MAGI1: variants seen among roughly 807,000 people sequenced by gnomAD.
MAGI1 encodes membrane-associated guanylate kinase, WW and PDZ domain-containing protein 1.
A neutral mutation model predicts 139.9 loss-of-function variants in MAGI1; 58 were observed. The observed-to-expected ratio is 0.41, with a 90% CI of 0.34 to 0.52. MAGI1 has a LOEUF of 0.52. Ranked by LOEUF, MAGI1 falls within the 20% of genes least tolerant of loss-of-function variation. The pLI is 0.12. For missense variants in MAGI1, 1,874 were observed against 1,901.6 expected (o/e 0.99, Z 0.27); for synonymous variants, 812 against 737.9 (o/e 1.10, Z -1.63).
At chr3:65,696,895 G>C (rs1343248548) in intron 1 of MAGI1, among the ~76,000 whole-genome samples, 1 of 131,590 alleles carries the variant, frequency 7.6e-6, no homozygotes, top group African/African-American at 3.4e-5. Flanking sequence ...AGGAAATAGA[G>C]ACACAAAAAA....
At chr3:66,011,504 G>A (rs940800235) in intron 1 of MAGI1, among the ~76,000 whole-genome samples, 1 of 152,038 alleles carries the variant, frequency 6.6e-6, no homozygotes, top group African/African-American at 2.4e-5. Context: ...CCCGCCTCCA[G>A]GATCCCCCTC....
chr3:65,962,122 ATT>A (rs567359350), intron 1 of MAGI1, among the ~76,000 whole-genome samples: 10,555 of 122,404 alleles, frequency 0.086, 413 homozygotes, highest in Middle Eastern at 0.13. Flanking sequence ...ATCTGATTGT[ATT>A]TTTTTTTTTT....
At chr3:65,560,766 G>A (rs1267216866) in intron 2 of MAGI1, among the ~76,000 whole-genome samples, 1 of 152,106 alleles carries the variant, frequency 6.6e-6, no homozygotes, top group African/African-American at 2.4e-5. Context: ...CTACTATGGT[G>A]CCCACTAAAA....
intron 1 of MAGI1, among the ~76,000 whole-genome samples, chr3:65,853,002 A>T (rs1411285325): frequency 5.5e-5 from 8 of 144,846 alleles, no homozygotes; most frequent in African/African-American, 1.0e-4. Flanking sequence ...AAAAAAAATT[A>T]GCCGGGCATG....
intron 2 of MAGI1, among the ~76,000 whole-genome samples, chr3:65,592,029 A>G (rs955008776): frequency 1.3e-5 from 2 of 152,164 alleles, no homozygotes; most frequent in African/African-American, 4.8e-5. Context: ...TATTACATGT[A>G]CTGTTTTGAT....
chr3:65,771,770 T>G (rs1257964364), intron 1 of MAGI1, among the ~76,000 whole-genome samples: 2 of 152,226 alleles, frequency 1.3e-5, no homozygotes, highest in African/African-American at 4.8e-5. Flanking sequence ...TCCTTCAGCC[T>G]AACCCAGGAA....
chr3:65,666,906 C>G (rs964862829), intron 1 of MAGI1, among the ~76,000 whole-genome samples: 4 of 152,124 alleles, frequency 2.6e-5, no homozygotes, highest in African/African-American at 9.7e-5. Flanking sequence ...GGGAGATGAG[C>G]GCTGCGCTTC....
chr3:65,474,258 C>G (rs1950728487), intron 4 of MAGI1, among the ~76,000 whole-genome samples: 2 of 146,094 alleles, frequency 1.4e-5, no homozygotes, highest in Non-Finnish European at 3.1e-5. Context: ...GAACGAGACC[C>G]TGTCTCAAAC....
intron 1 of MAGI1, among the ~76,000 whole-genome samples, chr3:66,031,446 C>A (rs1433567269): frequency 6.6e-6 from 1 of 152,072 alleles, no homozygotes; most frequent in Non-Finnish European, 1.5e-5. Context: ...GTAATGAATG[C>A]CAAGAAACAC....
chr3:65,396,947 T>G (rs1944437503), intron 13 of MAGI1, among the ~76,000 whole-genome samples: 1 of 152,220 alleles, frequency 6.6e-6, no homozygotes, highest in Non-Finnish European at 1.5e-5. Flanking sequence ...TGACTGGATA[T>G]GAAAATGGGT....
chr3:65,543,515 T>C (rs1048141577), intron 2 of MAGI1, among the ~76,000 whole-genome samples: 5 of 152,158 alleles, frequency 3.3e-5, no homozygotes, highest in Non-Finnish European at 7.3e-5. Flanking sequence ...TGCCCATCAA[T>C]GATAGACTGG....
chr3:65,623,612 A>C (rs1260318559), intron 1 of MAGI1, among the ~76,000 whole-genome samples: 3 of 152,178 alleles, frequency 2.0e-5, no homozygotes, highest in Non-Finnish European at 4.4e-5. Context: ...GAGTCACGTG[A>C]GCTACAAAAC....
At chr3:65,911,286 T>G (rs762811978) in intron 1 of MAGI1, among the ~76,000 whole-genome samples, 3 of 151,908 alleles carry the variant, frequency 2.0e-5, no homozygotes, top group Non-Finnish European at 4.4e-5. Context: ...ACTGGGACAT[T>G]TGAACGTTTG....
intron 2 of MAGI1, among the ~76,000 whole-genome samples, chr3:65,517,694 T>C (rs190877348): frequency 1.3e-5 from 2 of 152,262 alleles, no homozygotes. Context: ...GAGGTACCAG[T>C]GCCACCTTCT....
rs1575803364 is a variant in MAGI1, at chr3:65,453,305, C to T, written c.995G>A (p.Arg332Gln). ...TGGCTTCTGCTGCTTGTTTAGGCACCGAGGGTCTAACCAAGATGTTGTTTT... is the reference window on the plus strand; with the variant it reads ...TGGCTTCTGCTGCTTGTTTAGGCACTGAGGGTCTAACCAAGATGTTGTTTT... Reference protein sequence around the residue: ...NTKTTSWLDPRCLNKQQKPLE... With the variant: ...NTKTTSWLDPQCLNKQQKPLE... The change falls in exon 6 of 23, where the codon CGG becomes CAG. Residue 332 changes from arginine (R) to glutamine (Q), a missense_variant. Coordinates refer to ENST00000402939, the MANE Select transcript of MAGI1 (RefSeq NM_001033057.2). 4 of 1,611,780 alleles carry T rather than the reference C, an allele frequency of 2.5e-6. No individual in the cohort carries two copies. Among genetic ancestry groups the T allele is most frequent in the East Asian group, 2.2e-5 (1 of 44,802 alleles).
chr3:65,519,669 C>T (rs1177260328), intron 2 of MAGI1, among the ~76,000 whole-genome samples: 1 of 152,170 alleles, frequency 6.6e-6, no homozygotes, highest in Non-Finnish European at 1.5e-5. Flanking sequence ...CAGGCATGAG[C>T]CACCTCACCT....
intron 2 of MAGI1, among the ~76,000 whole-genome samples, chr3:65,535,445 G>T (rs1020347370): frequency 4.3e-4 from 65 of 152,332 alleles, no homozygotes; most frequent in African/African-American, 1.4e-3. Context: ...GAGGAAGAAG[G>T]AAGCTGTATA....
chr3:65,430,959 T>G (rs1379501977), intron 10 of MAGI1, 78 bp from the exon 11 acceptor site: 1 of 1,374,140 alleles, frequency 7.3e-7, no homozygotes, highest in Non-Finnish European at 1.0e-6. Context: ...AGACAACATA[T>G]AGATAATTCT....
chr3:65,550,692 C>T (rs1022393271), intron 2 of MAGI1, among the ~76,000 whole-genome samples: 2 of 152,120 alleles, frequency 1.3e-5, no homozygotes, highest in East Asian at 3.9e-4. Flanking sequence ...AGGCTAAGCA[C>T]CATAGCTCAT....
Sources: gnomAD v4.1 joint callset for allele counts (sites outside exome capture counted in the v4.1 genomes callset) on GRCh38, gnomAD v4.1.1 for gene constraint, MANE v1.5 for transcripts, NCBI Gene and HGNC (gene_info 2026-07-23, HGNC 2026-07-21) for gene names.